Variants in USP33 observed in about 807,000 individuals in gnomAD.
USP33 encodes the protein ubiquitin specific peptidase 33, also known as ubiquitin carboxyl-terminal hydrolase 33.
Under a neutral mutation model 124.2 loss-of-function variants are expected in USP33, and 46 were observed. The observed-to-expected ratio is 0.37, with a 90% CI of 0.29 to 0.47. The LOEUF is 0.47. Among genes scored for constraint, USP33 ranks in the 20% least tolerant of loss-of-function variants. The pLI, the probability that USP33 is intolerant of heterozygous loss-of-function variation, is 0.99. For missense variants in USP33, 851 were observed against 1,070.6 expected (o/e 0.79, Z 2.86); for synonymous variants, 350 against 352.3 (o/e 0.99, Z 0.07).
At chr1:77,702,389 A>G (rs558052357) in intron 21 of USP33, among the ~76,000 whole-genome samples, 1 of 152,208 alleles carries the variant, frequency 6.6e-6, no homozygotes, top group East Asian at 2.0e-4. Context: ...TTATGTACAC[A>G]TACTATATCC....
At chr1:77,714,149 C>T (rs1675600464) in intron 19 of USP33, among the ~76,000 whole-genome samples, 1 of 152,074 alleles carries the variant, frequency 6.6e-6, no homozygotes, top group South Asian at 2.1e-4. Context: ...ATCCCAGATA[C>T]ATTTCCATAC....
At chr1:77,750,093 G>A (rs2101599232) in intron 1 of USP33, among the ~76,000 whole-genome samples, 1 of 152,200 alleles carries the variant, frequency 6.6e-6, no homozygotes, top group East Asian at 1.9e-4. Flanking sequence ...CGAAGTAGGT[G>A]GATCACCTGA....
chr1:77,720,029 A>G (rs893664577), intron 15 of USP33, among the ~76,000 whole-genome samples: 2 of 151,762 alleles, frequency 1.3e-5, no homozygotes, highest in African/African-American at 4.8e-5. Context: ...GCATGGTGGC[A>G]TGCATCTGTA....
chr1:77,714,617 C>T lies in USP33; in HGVS notation c.2212G>A (p.Gly738Arg). ...ISNNDFLCIHGGVPPRKAGYI... is the reference protein window; with the variant it reads ...ISNNDFLCIHRGVPPRKAGYI... Reference sequence around the variant, plus strand: ...TTTGCATTACAGGAGTTCTTACCTCCATGAATACAAAGAAAGTCATTATTT... The same window carrying T: ...TTTGCATTACAGGAGTTCTTACCTCTATGAATACAAAGAAAGTCATTATTT... The change falls in exon 19 of 24, where the codon GGA becomes AGA. Residue 738 changes from glycine (G) to arginine (R), a missense_variant. Gly to Arg is a moderately radical substitution (Grantham distance 125, BLOSUM62 -2). Coordinates refer to ENST00000370794, the MANE Select transcript of USP33 (RefSeq NM_201624.3). The T allele has an allele frequency of 6.2e-7, 1 of 1,612,084 alleles. No individual in the cohort carries two copies. The highest frequency in any genetic ancestry group is 8.5e-7 in the Non-Finnish European group (1 of 1,179,640).
chr1:77,705,974 T>C (rs572782137), intron 21 of USP33, among the ~76,000 whole-genome samples: 2 of 152,364 alleles, frequency 1.3e-5, no homozygotes, highest in Non-Finnish European at 2.9e-5. Flanking sequence ...TGTTGCTTCA[T>C]GGATCAGTAC....
At chr1:77,701,755 C>T (rs769728599) in intron 21 of USP33, 5 of 209,786 alleles carry the variant, frequency 2.4e-5, no homozygotes, top group Non-Finnish European at 3.7e-5. Flanking sequence ...CTGTAACCTC[C>T]GCCTCCCAAG....
rs1213571530 is a variant in USP33, at chr1:77,728,320, T to G, written c.1110A>C (p.Lys370Asn). The change falls in exon 10 of 24, where the codon AAA (lysine) becomes AAC (asparagine). Residue 370 changes from lysine to asparagine, a missense_variant. By Grantham distance (94) the Lys-to-Asn change is moderately conservative (BLOSUM62 0). Transcript: ENST00000370794. Reference sequence around the variant, plus strand: ...CTGAAGCTCTGCTGTGTATTTGCACTTTGACAGTTTCCTGGTTGTTTAAGT... The same window carrying G: ...CTGAAGCTCTGCTGTGTATTTGCACGTTGACAGTTTCCTGGTTGTTTAAGT... Reference protein sequence around the residue: ...TVDLNNQETVKVQIHSRASEY... With the variant: ...TVDLNNQETVNVQIHSRASEY... The G allele has an allele frequency of 6.2e-7, 1 of 1,601,596 alleles. No homozygotes were observed. The highest frequency in any genetic ancestry group is 8.5e-7 in the Non-Finnish European group (1 of 1,175,834).
At chr1:77,739,512 T>C (rs1286724954) in intron 4 of USP33, 95 bp from the exon 5 acceptor site, 1 of 1,225,002 alleles carries the variant, frequency 8.2e-7, no homozygotes, top group South Asian at 1.9e-5. Flanking sequence ...ACTGCTTGCC[T>C]TTGATGAGTA....
intron 20 of USP33, among the ~76,000 whole-genome samples, chr1:77,712,231 G>A (rs1449694560): frequency 6.6e-6 from 1 of 152,184 alleles, no homozygotes; most frequent in Admixed American, 6.5e-5. Flanking sequence ...AGCATTCAAT[G>A]TATGAATTAT....
chr1:77,744,019 G>A (rs553563314), intron 1 of USP33, among the ~76,000 whole-genome samples: 34 of 152,008 alleles, frequency 2.2e-4, no homozygotes, highest in Non-Finnish European at 4.4e-4. Flanking sequence ...AGCTACTCAG[G>A]AGGCTGAGAC....
rs1219102013 is a variant in USP33, at chr1:77,741,404, T to C, written c.107A>G (p.Gln36Arg). ...CAGACATGCCCAAAGATTTGGTCCT[T>C]GGACTTTACAATCCTGACAAGTACC... ...SLGTCQDCKV[Q>R]GPNLWACLEN... is the part of the protein sequence containing the mutation. The change falls in exon 3 of 24, where the codon CAA becomes CGA. Residue 36 changes from glutamine (Q) to arginine (R), a missense_variant. By Grantham distance (43) the Gln-to-Arg change is conservative. Coordinates refer to ENST00000370794, the MANE Select transcript of USP33 (RefSeq NM_201624.3). 6.2e-7 allele frequency: 1 copy of C among 1,609,946 alleles called. No homozygotes were observed. The highest frequency in any genetic ancestry group is 8.5e-7 in the Non-Finnish European group (1 of 1,179,016).
chr1:77,743,308 T>C (rs1461009462), intron 1 of USP33, among the ~76,000 whole-genome samples: 1 of 146,480 alleles, frequency 6.8e-6, no homozygotes, highest in African/African-American at 2.4e-5. Flanking sequence ...AGTAAATACA[T>C]TTTTTTTATT....
chr1:77,758,753 G>A (rs926759426), intron 1 of USP33, among the ~76,000 whole-genome samples: 1 of 152,114 alleles, frequency 6.6e-6, no homozygotes, highest in African/African-American at 2.4e-5. Context: ...TTTTCTTAAA[G>A]GAAAAATAAT....
At chr1:77,741,852 T>A in intron 1 of USP33, 104 bp from the exon 2 acceptor site, 1 of 1,082,940 alleles carries the variant, frequency 9.2e-7, no homozygotes, top group Non-Finnish European at 1.3e-6. Flanking sequence ...TAAAAATGAT[T>A]AAAAGATAAC....
rs1239740156 is a variant in USP33 at position 77,741,598 on chromosome 1, G to C, written c.81+19C>G. On this transcript the variant is annotated intron_variant, in intron 2 of 23. Coordinates refer to ENST00000370794, the MANE Select transcript of USP33 (RefSeq NM_201624.3). ...GAAAAGTGAATAGTTTTTCAAGGAA[G>C]AAAAAACCTGTTTCTTACAAGGGAT... is the stretch of plus-strand genomic sequence containing the variant. 1.3e-6 allele frequency: 2 copies of C among 1,570,060 alleles called. No individual in the cohort carries two copies. The highest frequency in any genetic ancestry group is 1.7e-6 in the Non-Finnish European group (2 of 1,163,392).
intron 15 of USP33, 119 bp downstream of exon 15, chr1:77,721,053 T>C: frequency 9.0e-7 from 1 of 1,115,694 alleles, no homozygotes; most frequent in Non-Finnish European, 1.3e-6. Context: ...ATTACTAGGA[T>C]AAACCTTTCT....
At chr1:77,707,604 T>C (rs1357484745) in intron 21 of USP33, among the ~76,000 whole-genome samples, 2 of 152,198 alleles carry the variant, frequency 1.3e-5, no homozygotes, top group Admixed American at 6.5e-5. Context: ...CCATTTAGTA[T>C]TTCCATACTC....
At position 77,708,630 on chromosome 1, in the gene USP33, CAA is replaced by C. The variant is rs528914814; in HGVS notation, c.2406+3115_2406+3116del. On this transcript the variant is annotated intron_variant, in intron 21 of 23. Coordinates refer to ENST00000370794, the MANE Select transcript of USP33 (RefSeq NM_201624.3). ...CAATCTGAAACTTATAGGAAAACTC[CAA>C]GTATACAAAGAAATTTTCTTTACCT... is the stretch of plus-strand genomic sequence containing the variant. Among the ~76,000 whole-genome samples, 31 of 152,258 alleles carry C rather than the reference CAA, an allele frequency of 2.0e-4. No individual in the cohort carries two copies. The South Asian group carries it at 6.2e-3, about 31-fold the overall frequency.
chr1:77,718,902 CT>C (rs1676230848), intron 15 of USP33, among the ~76,000 whole-genome samples: 1 of 140,988 alleles, frequency 7.1e-6, no homozygotes, highest in Non-Finnish European at 1.5e-5. Flanking sequence ...GTACTCCAGC[CT>C]GGGCTAGAGT....
Sources: gnomAD v4.1 joint callset for allele counts (sites outside exome capture counted in the v4.1 genomes callset) on GRCh38, gnomAD v4.1.1 for gene constraint, MANE v1.5 for transcripts, NCBI Gene and HGNC (gene_info 2026-07-23, HGNC 2026-07-21) for gene names.